NRG1: variants seen among roughly 807,000 people sequenced by gnomAD.
NRG1 encodes the protein neuregulin 1, also known as pro-neuregulin-1, membrane-bound isoform.
A neutral mutation model predicts 63.8 loss-of-function variants in NRG1; 18 were observed. The observed-to-expected ratio is 0.28, with a 90% CI of 0.19 to 0.42. The LOEUF (loss-of-function observed/expected upper bound fraction) is 0.42, where lower values mean the gene tolerates loss of function less well. Ranked by LOEUF, NRG1 falls within the 10% of genes least tolerant of loss-of-function variation. NRG1 has a pLI of 1.00. For synonymous variants in NRG1, 302 were observed against 301.3 expected (o/e 1.00, Z -0.02); for missense variants, 762 against 814.7 (o/e 0.94, Z 0.79).
At position 32,365,347 on chromosome 8, in the gene NRG1, G is replaced by T. The variant is rs369077676; in HGVS notation, c.38-230481G>T. Among the ~76,000 whole-genome samples, 20 of 151,862 alleles carry T rather than the reference G, an allele frequency of 1.3e-4. No individual in the cohort carries two copies. The South Asian group carries it at 4.2e-3, about 32-fold the overall frequency. On this transcript the variant is annotated intron_variant, in intron 1 of 10. Coordinates refer to the NRG1 transcript ENST00000519301. Reference sequence around the variant, plus strand: ...TTATATTTCCTTTTGTGTGCTACTTGCCTTTTGTCTTTATTTGGCTTTTTT... The same window carrying T: ...TTATATTTCCTTTTGTGTGCTACTTTCCTTTTGTCTTTATTTGGCTTTTTT...
intron 1 of NRG1, among the ~76,000 whole-genome samples, chr8:31,959,017 A>G (rs1347244247): frequency 6.6e-6 from 1 of 152,176 alleles, no homozygotes; most frequent in Admixed American, 6.5e-5. Context: ...TCTGAATGTC[A>G]TTTTGTTTAC....
At chr8:32,234,797 G>A (rs947579392) in intron 1 of NRG1, among the ~76,000 whole-genome samples, 3 of 152,046 alleles carry the variant, frequency 2.0e-5, no homozygotes, top group South Asian at 4.2e-4. Context: ...GACCAACTGT[G>A]TGCTTTGATA....
At chr8:32,578,101 T>A (rs879441154) in intron 1 of NRG1, among the ~76,000 whole-genome samples, 5 of 151,940 alleles carry the variant, frequency 3.3e-5, no homozygotes, top group Non-Finnish European at 7.4e-5. Flanking sequence ...TTCAAGCGAT[T>A]CTCTAGCCTC....
intron 1 of NRG1, among the ~76,000 whole-genome samples, chr8:31,848,963 A>G (rs1247997625): frequency 6.6e-6 from 1 of 152,214 alleles, no homozygotes; most frequent in Non-Finnish European, 1.5e-5. Flanking sequence ...TGGAGCATGG[A>G]AAAATTATCT....
rs1250084598 is a variant in NRG1, at chr8:32,477,873, G to A, written c.38-117955G>A. Among the ~76,000 whole-genome samples, 5 of 152,174 alleles carry A rather than the reference G, an allele frequency of 3.3e-5. No individual in the cohort carries two copies. The East Asian group carries it at 9.6e-4, about 29-fold the overall frequency. ...AATGCAATGTGTCACTTTGGTTATA[G>A]GTTTGCATCTTGGAAACGATGTTAG... is the stretch of plus-strand genomic sequence containing the variant. On this transcript the variant is annotated intron_variant, in intron 1 of 10. Coordinates refer to the NRG1 transcript ENST00000519301.
intron 1 of NRG1, among the ~76,000 whole-genome samples, chr8:32,352,959 T>TAGAG (rs201651989): frequency 2.2e-4 from 29 of 134,672 alleles, no homozygotes; most frequent in East Asian, 4.0e-4. Context: ...TATATATATA[T>TAGAG]ATACAGAGAG....
At chr8:32,308,536 A>G (rs563131443) in intron 1 of NRG1, among the ~76,000 whole-genome samples, 37 of 152,236 alleles carry the variant, frequency 2.4e-4, no homozygotes, top group African/African-American at 8.9e-4. Flanking sequence ...ACAATTCAGC[A>G]CTTTTTACTG....
intron 1 of NRG1, among the ~76,000 whole-genome samples, chr8:31,943,333 T>C (rs1215569602): frequency 6.6e-6 from 1 of 152,072 alleles, no homozygotes; most frequent in East Asian, 1.9e-4. Context: ...AGCTAAGCTA[T>C]GAAGATCCAA....
At chr8:31,892,159 C>G (rs1437887723) in intron 1 of NRG1, among the ~76,000 whole-genome samples, 1 of 152,096 alleles carries the variant, frequency 6.6e-6, no homozygotes, top group Non-Finnish European at 1.5e-5. Context: ...TGTCTTATTT[C>G]TTACAACTGC....
At chr8:32,735,430 A>G (rs112524262) in intron 6 of NRG1, among the ~76,000 whole-genome samples, 2,641 of 152,320 alleles carry the variant, frequency 0.017, 41 homozygotes, top group Non-Finnish European at 0.024. Context: ...CAGGAAAACG[A>G]ATACACAATT....
At chr8:31,964,455 A>C (rs13260352) in intron 1 of NRG1, among the ~76,000 whole-genome samples, 111,861 of 152,106 alleles carry the variant, frequency 0.74, 42,143 homozygotes, top group Non-Finnish European at 0.82. Flanking sequence ...AGATTACTTG[A>C]GCTCAGGAGT....
chr8:32,528,229 G>A (rs910055920), intron 1 of NRG1, among the ~76,000 whole-genome samples: 4 of 152,084 alleles, frequency 2.6e-5, no homozygotes, highest in African/African-American at 9.7e-5. Flanking sequence ...ATATGACTAC[G>A]TGAAAGTACT....
chr8:32,742,421 G>C lies in NRG1; in HGVS notation c.633-254G>C, dbSNP rs1826562294. 6.6e-6 allele frequency among the ~76,000 whole-genome samples: 1 copy of C among 152,040 alleles called. No individual in the cohort carries two copies. Among genetic ancestry groups the C allele is most frequent in the African/African-American group, 2.4e-5 (1 of 41,394 alleles). ...GATTTCATTTTAAGGGGTTCCCTTTGAAAGAAGGCAACCACTTAAAGTGCT... is the reference window on the plus strand; with the variant it reads ...GATTTCATTTTAAGGGGTTCCCTTTCAAAGAAGGCAACCACTTAAAGTGCT... On this transcript the variant is annotated intron_variant, in intron 6 of 11. Transcript: ENST00000356819. This position sits in a 1 kb window ranked among gnomAD's most constrained non-coding sequence, Gnocchi z 4.2.
At chr8:31,890,557 G>A (rs1039131506) in intron 1 of NRG1, among the ~76,000 whole-genome samples, 1 of 152,080 alleles carries the variant, frequency 6.6e-6, no homozygotes, top group African/African-American at 2.4e-5. Flanking sequence ...AAATAATCAT[G>A]ACATTTCCTA....
intron 5 of NRG1, among the ~76,000 whole-genome samples, chr8:32,685,485 C>G (rs1265468384): frequency 1.3e-5 from 2 of 152,176 alleles, no homozygotes; most frequent in Admixed American, 1.3e-4. Flanking sequence ...CCATCACAAG[C>G]AAATTCTGAT....
At position 31,970,409 on chromosome 8, in the gene NRG1, C is replaced by T. The variant is rs189275927; in HGVS notation, c.37+330978C>T. Reference sequence around the variant, plus strand: ...TGGGTTACAAATAAATGGTTGATGGCATTTTAATAACAAAGATTAACCAGG... The same window carrying T: ...TGGGTTACAAATAAATGGTTGATGGTATTTTAATAACAAAGATTAACCAGG... On this transcript the variant is annotated intron_variant, in intron 1 of 10. Transcript: ENST00000519301. 2.6e-5 allele frequency among the ~76,000 whole-genome samples: 4 copies of T among 152,190 alleles called. No homozygotes were observed. The East Asian group carries it at 7.7e-4, about 29-fold the overall frequency.
intron 1 of NRG1, among the ~76,000 whole-genome samples, chr8:31,780,131 C>T (rs1819539482): frequency 6.6e-6 from 1 of 152,166 alleles, no homozygotes; most frequent in South Asian, 2.1e-4. Context: ...TTACTGGGAA[C>T]TAGAGATGGA....
intron 1 of NRG1, among the ~76,000 whole-genome samples, chr8:32,403,974 A>G (rs967634221): frequency 6.6e-6 from 1 of 152,182 alleles, no homozygotes; most frequent in African/African-American, 2.4e-5. Context: ...GCCTTTAAAA[A>G]ACAAAAAACA....
At chr8:32,410,483 A>G (rs1814755378) in intron 1 of NRG1, among the ~76,000 whole-genome samples, 1 of 152,074 alleles carries the variant, frequency 6.6e-6, no homozygotes, top group Non-Finnish European at 1.5e-5. Context: ...ATCTTCTCAA[A>G]AATCTTTCTT....
Sources: gnomAD v4.1 joint callset for allele counts (sites outside exome capture counted in the v4.1 genomes callset) on GRCh38, gnomAD v4.1.1 for gene constraint, Gnocchi (gnomAD v3.1) non-coding constraint, MANE v1.5 for transcripts, NCBI Gene and HGNC (gene_info 2026-07-23, HGNC 2026-07-21) for gene names.